KANK3: variants seen among roughly 807,000 people sequenced by gnomAD.
The protein encoded by KANK3 is KN motif and ankyrin repeat domain-containing protein 3.
In KANK3, 61 loss-of-function variants were observed where a neutral mutation model predicts 65.4. That is an observed-to-expected ratio of 0.93 (90% CI 0.76 to 1.15). The LOEUF (loss-of-function observed/expected upper bound fraction) is 1.15. Ranked by LOEUF, KANK3 falls within the 50% of genes most tolerant of loss-of-function variation. The probability of loss-of-function intolerance (pLI) is 0.00; values close to 1 mark genes in which losing one functional copy is unlikely to be tolerated. For synonymous variants in KANK3, 586 were observed against 543.3 expected (o/e 1.08, Z -1.09); for missense variants, 1,187 against 1,178.8 (o/e 1.01, Z -0.10).
Position 8,335,595 on chromosome 19 carries a change from G to T in KANK3, c.232C>A (p.Pro78Thr). 4.1e-6 allele frequency: 5 copies of T among 1,229,168 alleles called. No individual in the cohort carries two copies. The highest frequency in any genetic ancestry group is 5.1e-6 in the Non-Finnish European group (5 of 981,246). The allele number at this position is 1,229,168 out of a possible 1,614,324, so 76.1% of individuals were successfully genotyped here. A position where few individuals can be genotyped will look rare whatever the true frequency, so the allele number is the denominator to read the frequency against. Residue 78 changes from proline (P) to threonine (T), a missense_variant, in exon 3 of 11, where the codon CCC becomes ACC. This residue lies in a region of KANK3 where 104 missense variants were observed against 122.1 expected (regional missense o/e 0.85). Transcript: ENST00000330915. ...PTSRRPRAPRPGLAGARSPGA... is the reference protein window; with the variant it reads ...PTSRRPRAPRTGLAGARSPGA... Reference sequence around the variant, plus strand: ...GGGCTACGTGCGCCCGCGAGGCCGGGCCGGGGCGCGCGGGGACGGCGCGAG... The same window carrying T: ...GGGCTACGTGCGCCCGCGAGGCCGGTCCGGGGCGCGCGGGGACGGCGCGAG...
rs1329331415 is a variant in KANK3 at position 8,322,937 on chromosome 19, A to G, written c.2383-15T>C. 7.1e-7 allele frequency: 1 copy of G among 1,408,380 alleles called. No individual in the cohort carries two copies. The highest frequency in any genetic ancestry group is 2.6e-5 in the East Asian group (1 of 38,900). 87.2% of individuals were successfully genotyped at this position (1,408,380 alleles called of 1,614,324 possible). ...GGTGACTCGCTCTGGAGAGAGGGGA[A>G]AAGAGGGGGGCCTGCTGCAATCTCC... On this transcript the variant is annotated splice_polypyrimidine_tract_variant and intron_variant, in intron 10 of 10. Transcript: ENST00000330915.
At chr19:8,327,498 G>A (rs1031365344) in intron 7 of KANK3, among the ~76,000 whole-genome samples, 3 of 152,178 alleles carry the variant, frequency 2.0e-5, no homozygotes, top group African/African-American at 7.2e-5. Flanking sequence ...AGGCGTGGTG[G>A]TGTGCGCCTG....
intron 7 of KANK3, among the ~76,000 whole-genome samples, chr19:8,326,232 C>T (rs1033458384): frequency 9.2e-5 from 14 of 152,000 alleles, no homozygotes; most frequent in African/African-American, 3.4e-4. Context: ...GAGTTCGAGA[C>T]CAGCCTGGCC....
chr19:8,324,391 T>C (rs1354260201), intron 10 of KANK3, 58 bp downstream of exon 10: 9 of 1,470,424 alleles, frequency 6.1e-6, no homozygotes, highest in African/African-American at 1.4e-5. Flanking sequence ...ATATTTACTA[T>C]CCTCTGCAAA....
Position 8,335,209 on chromosome 19 carries a change from C to T in KANK3, c.618G>A (p.Thr206=). The T allele has an allele frequency of 8.2e-7, 1 of 1,219,438 alleles. No individual in the cohort carries two copies. Among genetic ancestry groups the T allele is most frequent in the Non-Finnish European group, 1.0e-6 (1 of 979,706 alleles). The allele number at this position is 1,219,438 out of a possible 1,614,324, so 75.5% of individuals were successfully genotyped here. The part of the protein sequence containing the change: ...RLRELEDQAR[T]LPELQEQVRA... The stretch of plus-strand genomic sequence containing the variant: ...GCACCTGCTCCTGCAGCTCGGGCAG[C>T]GTTCGCGCCTGGTCCTCGAGCTCGC... The change falls in exon 3 of 11, where the codon ACG becomes ACA. Residue 206 remains threonine (T), a synonymous_variant. Transcript: ENST00000330915.
intron 1 of KANK3, among the ~76,000 whole-genome samples, chr19:8,340,278 A>G (rs1188595441): frequency 6.3e-5 from 4 of 63,736 alleles, no homozygotes; most frequent in African/African-American, 3.0e-4. Flanking sequence ...AAAAAACCAT[A>G]TATATATATA....
chr19:8,335,341 G>A lies in KANK3; in HGVS notation c.486C>T (p.Arg162=). 8.4e-7 allele frequency: 1 copy of A among 1,193,982 alleles called. No individual in the cohort carries two copies. Among genetic ancestry groups the A allele is most frequent in the Non-Finnish European group, 1.0e-6 (1 of 964,086 alleles). 74.0% of individuals were successfully genotyped at this position (1,193,982 alleles called of 1,614,324 possible). A position where few individuals can be genotyped will look rare whatever the true frequency, so the allele number is the denominator to read the frequency against. ...SPGRGVPRSP[R]GSGRSSPAPN... is the part of the protein sequence containing the mutation. ...GGGCGGGGCTGCTGCGGCCGGACCC[G>A]CGTGGGCTGCGCGGGACCCCGCGGC... Residue 162 remains arginine (R), a synonymous_variant, in exon 3 of 11, where the codon CGC becomes CGT. Transcript: ENST00000330915.
At chr19:8,327,583 A>G (rs1225530112) in intron 7 of KANK3, among the ~76,000 whole-genome samples, 2 of 152,106 alleles carry the variant, frequency 1.3e-5, no homozygotes, top group Non-Finnish European at 2.9e-5. Flanking sequence ...GTGAGCCAAT[A>G]TCACACCACT....
Position 8,335,323 on chromosome 19 carries a change from G to A in KANK3, c.504C>T (p.Ser168=), listed in dbSNP as rs1385740819. 1.7e-6 allele frequency: 2 copies of A among 1,195,418 alleles called. No individual in the cohort carries two copies. The highest frequency in any genetic ancestry group is 2.1e-6 in the Non-Finnish European group (2 of 964,748). The allele number at this position is 1,195,418 out of a possible 1,614,324, so 74.1% of individuals were successfully genotyped here. Residue 168 remains serine, a synonymous_variant, in exon 3 of 11, where the codon AGC becomes AGT. Coordinates refer to ENST00000330915, the MANE Select transcript of KANK3 (RefSeq NM_198471.3). ...PRSPRGSGRS[S]PAPNLAPASP... is the part of the protein sequence containing the mutation. Reference sequence around the variant, plus strand: ...AAGCAGGGGCAAGGTTAGGGGCGGGGCTGCTGCGGCCGGACCCGCGTGGGC... The same window carrying A: ...AAGCAGGGGCAAGGTTAGGGGCGGGACTGCTGCGGCCGGACCCGCGTGGGC...
Position 8,334,132 on chromosome 19 carries a change from GA to G in KANK3, c.1428-17del, listed in dbSNP as rs1224522996. On this transcript the variant is annotated splice_polypyrimidine_tract_variant and intron_variant, in intron 4 of 10. Coordinates refer to ENST00000330915, the MANE Select transcript of KANK3 (RefSeq NM_198471.3). Reference sequence around the variant, plus strand: ...GCTCTCGTACCTGGGGGCAGGGTGGGAGGTGTCTGCTAAACCTCCCCTGTGG... The same window carrying G: ...GCTCTCGTACCTGGGGGCAGGGTGGGGGTGTCTGCTAAACCTCCCCTGTGG... 1.3e-6 allele frequency: 2 copies of G among 1,503,430 alleles called. No homozygotes were observed. Among genetic ancestry groups the G allele is most frequent in the East Asian group, 4.9e-5 (2 of 40,468 alleles). 93.1% of individuals were successfully genotyped at this position (1,503,430 alleles called of 1,614,324 possible). A position where few individuals can be genotyped will look rare whatever the true frequency, so the allele number is the denominator to read the frequency against.
chr19:8,325,429 A>G (rs2972572), intron 7 of KANK3, among the ~76,000 whole-genome samples: 89,764 of 150,346 alleles, frequency 0.6, 27,364 homozygotes, highest in African/African-American at 0.74. Context: ...GTGCCATCAC[A>G]CCCAGCTAAT....
intron 1 of KANK3, among the ~76,000 whole-genome samples, chr19:8,342,827 C>A (rs966285035): frequency 5.9e-5 from 9 of 152,156 alleles, no homozygotes; most frequent in Admixed American, 5.9e-4. Context: ...CCATTGTCTG[C>A]GGGTCCGGGG....
chr19:8,332,801 G>C (rs1343461318), intron 7 of KANK3: 1 of 231,294 alleles, frequency 4.3e-6, no homozygotes, highest in Non-Finnish European at 7.9e-6. Flanking sequence ...TGGTGACAGT[G>C]TGAAACTCCG....
rs1401737072 is a variant in KANK3 at position 8,334,916 on chromosome 19, G to A, written c.911C>T (p.Ala304Val). 2 of 1,461,536 alleles carry A rather than the reference G, an allele frequency of 1.4e-6. No homozygotes were observed. The highest frequency in any genetic ancestry group is 1.8e-6 in the Non-Finnish European group (2 of 1,116,920). The allele number at this position is 1,461,536 out of a possible 1,614,324, so 90.5% of individuals were successfully genotyped here. Residue 304 changes from alanine to valine, a missense_variant, in exon 3 of 11, where the codon GCC becomes GTC. Transcript: ENST00000330915. ...TCGGGTCTCGGGCACGGCCTCGGCG[G>A]CCACCTCCCGGGTCTGGGGCGTCCC... ...LDGTPQTREV[A>V]AEAVPETREA...
intron 7 of KANK3, among the ~76,000 whole-genome samples, chr19:8,328,393 AC>A (rs1352839392): frequency 6.4e-5 from 1 of 15,660 alleles, no homozygotes; most frequent in African/African-American, 8.1e-4. Context: ...CCCACCACAC[AC>A]ACACACACAC....
chr19:8,340,276 A>G (rs2972581), intron 1 of KANK3, among the ~76,000 whole-genome samples: 20,516 of 55,536 alleles, frequency 0.37, 1,914 homozygotes, highest in Non-Finnish European at 0.41. Flanking sequence ...AAAAAAAACC[A>G]TATATATATA....
Position 8,335,464 on chromosome 19 carries a change from C to T in KANK3, c.363G>A (p.Pro121=). ...CGCGCGGGTTGCGCACGGGCGCGCGCGGCGACAGCGGCTGCATCAGGAGCC... is the reference window on the plus strand; with the variant it reads ...CGCGCGGGTTGCGCACGGGCGCGCGTGGCGACAGCGGCTGCATCAGGAGCC... The part of the protein sequence containing the change: ...PSGLLMQPLS[P]RAPVRNPRVE... The change falls in exon 3 of 11, where the codon CCG becomes CCA. Residue 121 remains proline (P), a synonymous_variant. Transcript: ENST00000330915. The T allele has an allele frequency of 2.4e-6, 3 of 1,231,560 alleles. No individual in the cohort carries two copies. Among genetic ancestry groups the T allele is most frequent in the African/African-American group, 1.6e-5 (1 of 63,792 alleles). The allele number at this position is 1,231,560 out of a possible 1,614,324, so 76.3% of individuals were successfully genotyped here.
chr19:8,325,020 C>G lies in KANK3; in HGVS notation c.2013G>C (p.Gln671His), dbSNP rs780264512. The G allele has an allele frequency of 2.5e-6, 4 of 1,613,942 alleles. No individual in the cohort carries two copies. Among genetic ancestry groups the G allele is most frequent in the Non-Finnish European group, 3.4e-6 (4 of 1,180,022 alleles). ...LMLAALTSVR[Q>H]EEEDMAVVQR... is the part of the protein sequence containing the mutation. ...GGACCACAGCCATGTCCTCCTCTTC[C>G]TGCCTCACAGAGGTGAGTGCAGCCA... Residue 671 changes from glutamine to histidine, a missense_variant, in exon 8 of 11, where the codon CAG becomes CAC. This residue lies in a region of KANK3 where 1,078 missense variants were observed against 1,038.2 expected (regional missense o/e 1.04). Coordinates refer to ENST00000330915, the MANE Select transcript of KANK3 (RefSeq NM_198471.3).
chr19:8,324,085 T>G (rs1970375137), intron 10 of KANK3, among the ~76,000 whole-genome samples: 1 of 152,214 alleles, frequency 6.6e-6, no homozygotes, highest in Non-Finnish European at 1.5e-5. Context: ...TCTCATGACC[T>G]GGGGTAGTGT....
Sources: gnomAD v4.1 joint callset for allele counts (sites outside exome capture counted in the v4.1 genomes callset) on GRCh38, gnomAD v4.1.1 for gene constraint, gnomAD v4.1.1 regional missense constraint, MANE v1.5 for transcripts, NCBI Gene and HGNC (gene_info 2026-07-23, HGNC 2026-07-21) for gene names.